The following ZRANB3 variants were observed in gnomAD, a reference collection of about 807,000 sequenced individuals.
ZRANB3 encodes the protein DNA annealing helicase and endonuclease ZRANB3.
In ZRANB3, 125 loss-of-function variants were observed where a neutral mutation model predicts 133.8. The observed-to-expected ratio is 0.93, with a 90% CI of 0.81 to 1.08. The LOEUF is 1.08. Among genes scored for constraint, ZRANB3 ranks in the 50% least tolerant of loss-of-function variants. The pLI, the probability that ZRANB3 is intolerant of heterozygous loss-of-function variation, is 0.00. For synonymous variants in ZRANB3, 387 were observed against 432.7 expected, an observed-to-expected ratio of 0.89 and a Z score of 1.31; for missense variants, 1,229 against 1,275.5, an observed-to-expected ratio of 0.96 and a Z score of 0.56.
chr2:135,234,228 C>A (rs1695180487), intron 12 of ZRANB3, among the ~76,000 whole-genome samples: 1 of 152,166 alleles, frequency 6.6e-6, no homozygotes, highest in African/African-American at 2.4e-5. Flanking sequence ...GGGATCAATT[C>A]AACAAGAAGA....
At chr2:135,217,730 T>G in intron 16 of ZRANB3, 123 bp from the exon 17 acceptor site, 1 of 1,156,704 alleles carries the variant, frequency 8.6e-7, no homozygotes, top group South Asian at 1.7e-5. Context: ...GGCTTTTGAG[T>G]TCCATAACCT....
At chr2:135,527,771 A>G (rs1172148778) in intron 1 of ZRANB3, among the ~76,000 whole-genome samples, 1 of 152,242 alleles carries the variant, frequency 6.6e-6, no homozygotes. Flanking sequence ...ATTTAAAAAA[A>G]GCAAAGCATT....
intron 1 of ZRANB3, among the ~76,000 whole-genome samples, chr2:135,510,310 T>C (rs1014078640): frequency 8.6e-5 from 13 of 151,918 alleles, no homozygotes; most frequent in African/African-American, 3.1e-4. Context: ...TCTTGAAAAA[T>C]CCGTTACTCC....
intron 2 of ZRANB3, among the ~76,000 whole-genome samples, chr2:135,421,027 G>A (rs1221716035): frequency 6.6e-6 from 1 of 152,096 alleles, no homozygotes; most frequent in African/African-American, 2.4e-5. Context: ...GGAAACACTG[G>A]AGTCTATATG....
chr2:135,437,180 G>A (rs1427649849), intron 2 of ZRANB3, among the ~76,000 whole-genome samples: 3 of 152,056 alleles, frequency 2.0e-5, no homozygotes, highest in Non-Finnish European at 4.4e-5. Context: ...GGTTGGTCTC[G>A]AACTCCTGAA....
intron 19 of ZRANB3, 56 bp from the exon 20 acceptor site, chr2:135,203,019 T>C: frequency 3.2e-6 from 5 of 1,581,640 alleles, no homozygotes; most frequent in Non-Finnish European, 3.4e-6. Flanking sequence ...GAAGTGTTTG[T>C]TGGTTTTGCA....
chr2:135,293,383 T>C (rs1194544586), intron 8 of ZRANB3, among the ~76,000 whole-genome samples: 1 of 152,076 alleles, frequency 6.6e-6, no homozygotes, highest in Non-Finnish European at 1.5e-5. Context: ...CACTCATGAT[T>C]TGGCTCTCTG....
intron 8 of ZRANB3, among the ~76,000 whole-genome samples, chr2:135,306,765 T>C (rs146843433): frequency 0.01 from 1,569 of 152,150 alleles, 25 homozygotes; most frequent in African/African-American, 0.036. Context: ...ATTTTTTGTA[T>C]TTCTGGTAGA....
intron 3 of ZRANB3, among the ~76,000 whole-genome samples, chr2:135,369,019 A>T (rs1431590465): frequency 6.6e-6 from 1 of 152,060 alleles, no homozygotes; most frequent in Non-Finnish European, 1.5e-5. Flanking sequence ...CAGAGAAGAA[A>T]AAGGCTTTGG....
At chr2:135,343,274 T>C (rs539938558) in intron 6 of ZRANB3, among the ~76,000 whole-genome samples, 10 of 149,782 alleles carry the variant, frequency 6.7e-5, no homozygotes, top group South Asian at 2.1e-4. Context: ...GGTTTCTCTT[T>C]GTCATTATTA....
At chr2:135,472,010 G>C (rs1691291391) in intron 2 of ZRANB3, among the ~76,000 whole-genome samples, 1 of 152,196 alleles carries the variant, frequency 6.6e-6, no homozygotes, top group African/African-American at 2.4e-5. Flanking sequence ...GGAATGCAAA[G>C]TGAAACAGCA....
chr2:135,349,840 G>T, intron 5 of ZRANB3, 144 bp downstream of exon 5: 1 of 627,668 alleles, frequency 1.6e-6, no homozygotes, highest in Non-Finnish European at 2.8e-6. Context: ...TAAAACATAC[G>T]TACTATCTAG....
chr2:135,491,881 A>G (rs1485207735), intron 2 of ZRANB3, among the ~76,000 whole-genome samples: 1 of 152,224 alleles, frequency 6.6e-6, no homozygotes, highest in Non-Finnish European at 1.5e-5. Context: ...CATCAAAAAA[A>G]TAACCAATTG....
chr2:135,528,304 C>T (rs937318347), intron 1 of ZRANB3, among the ~76,000 whole-genome samples: 7 of 152,112 alleles, frequency 4.6e-5, no homozygotes, highest in Middle Eastern at 6.8e-3. Flanking sequence ...TGCACCACTA[C>T]GCCCAGCTAA....
In ZRANB3 at chr2:135,274,292, GATGGAGCT is replaced by G. The variant is rs1441323281; in HGVS notation, c.1086+1336_1086+1343del. ...AAGATGCAGTAAAGCCACATGGCTT[GATGGAGCT>G]AACCTGATAAATTACTTGGGCCATA... On this transcript the variant is annotated intron_variant, in intron 9 of 20. Coordinates refer to ENST00000264159, the MANE Select transcript of ZRANB3 (RefSeq NM_032143.4). Among the ~76,000 whole-genome samples the G allele has an allele frequency of 6.6e-5, 10 of 152,368 alleles. No homozygotes were observed. In the East Asian group the frequency reaches 1.9e-3, roughly 29 times the overall value.
In ZRANB3 at chr2:135,520,786, T is replaced by C. The variant is rs144711211; in HGVS notation, c.-8+10341A>G. Reference sequence around the variant, plus strand: ...TTTTAGTAGAGACGGGGTTACACCATCTTGGTCAGGCTAATTGTTTTTTTT... The same window carrying C: ...TTTTAGTAGAGACGGGGTTACACCACCTTGGTCAGGCTAATTGTTTTTTTT... On this transcript the variant is annotated intron_variant, in intron 1 of 20. Transcript: ENST00000264159. Among the ~76,000 whole-genome samples the C allele has an allele frequency of 2.8e-3, 424 of 152,190 alleles. 1 individual carries two copies. Among genetic ancestry groups the C allele is most frequent in the Admixed American group, 4.7e-3 (72 of 15,292 alleles).
intron 2 of ZRANB3, among the ~76,000 whole-genome samples, chr2:135,472,497 CAAA>C (rs35241215): frequency 1.6e-5 from 1 of 61,998 alleles, no homozygotes; most frequent in Non-Finnish European, 3.8e-5. Context: ...GACTCGGTCT[CAAA>C]AAAAAAAAAA....
chr2:135,295,218 C>A (rs970749766), intron 8 of ZRANB3, among the ~76,000 whole-genome samples: 2 of 152,146 alleles, frequency 1.3e-5, no homozygotes, highest in African/African-American at 4.8e-5. Context: ...GTCTAAGTCT[C>A]TTTGTAGGTC....
intron 2 of ZRANB3, among the ~76,000 whole-genome samples, chr2:135,472,306 C>G (rs1691302917): frequency 1.3e-5 from 2 of 152,082 alleles, no homozygotes; most frequent in Non-Finnish European, 2.9e-5. Context: ...CGAGACCATC[C>G]TGGCTAACAC....
Sources: gnomAD v4.1 joint callset for allele counts (sites outside exome capture counted in the v4.1 genomes callset) on GRCh38, gnomAD v4.1.1 for gene constraint, MANE v1.5 for transcripts, NCBI Gene and HGNC (gene_info 2026-07-23, HGNC 2026-07-21) for gene names.